CTNND2: variants seen among roughly 807,000 people sequenced by gnomAD.
CTNND2 encodes catenin delta 2, also known as catenin delta-2.
A neutral mutation model predicts 144.4 loss-of-function variants in CTNND2; 22 were observed. The observed-to-expected ratio is 0.15, with a 90% CI of 0.11 to 0.22. The LOEUF is 0.22. CTNND2 is among the 10% of genes least tolerant of loss of function. The probability of loss-of-function intolerance (pLI) is 1.00; values close to 1 mark genes in which losing one functional copy is unlikely to be tolerated. For missense variants in CTNND2, 1,353 were observed against 1,618.8 expected (o/e 0.84, Z 2.82); for synonymous variants, 751 against 695.6 (o/e 1.08, Z -1.25).
intron 3 of CTNND2, among the ~76,000 whole-genome samples, chr5:11,441,318 T>G (rs2149892976): frequency 6.6e-6 from 1 of 151,904 alleles, no homozygotes; most frequent in African/African-American, 2.4e-5. Flanking sequence ...TTATTGAGCT[T>G]ATGTTTATAA....
At chr5:11,632,584 G>C (rs1192139049) in intron 2 of CTNND2, among the ~76,000 whole-genome samples, 1 of 152,114 alleles carries the variant, frequency 6.6e-6, no homozygotes. Flanking sequence ...AATGAAACAT[G>C]AAAGTGTGAC....
chr5:11,231,537 G>A (rs902078445), intron 10 of CTNND2, among the ~76,000 whole-genome samples: 2 of 152,162 alleles, frequency 1.3e-5, no homozygotes, highest in African/African-American at 4.8e-5. Context: ...AAAGAGACTG[G>A]CAGCATTTTG....
In CTNND2 at chr5:11,678,407, G is replaced by A. The variant is rs549172584; in HGVS notation, c.174+53729C>T. Among the ~76,000 whole-genome samples the A allele has an allele frequency of 2.0e-5, 3 of 152,206 alleles. 1 individual carries two copies. The South Asian group carries it at 6.2e-4, about 32-fold the overall frequency. ...TAGAGCTCTAGACCTGCTGAGTCAA[G>A]AGTTAAAATAAAACTCCCCAACCAG... On this transcript the variant is annotated intron_variant, in intron 2 of 21. Transcript: ENST00000304623.
intron 16 of CTNND2, among the ~76,000 whole-genome samples, chr5:11,069,017 C>T (rs1452371905): frequency 6.6e-6 from 1 of 152,224 alleles, no homozygotes; most frequent in Non-Finnish European, 1.5e-5. Flanking sequence ...TGTCCGTGTC[C>T]GTGTTCCCAC....
intron 2 of CTNND2, among the ~76,000 whole-genome samples, chr5:11,710,132 C>G (rs932907136): frequency 1.3e-5 from 2 of 152,126 alleles, no homozygotes; most frequent in African/African-American, 4.8e-5. Context: ...AAGAGAAGGG[C>G]AGGCAAAGGA....
intron 1 of CTNND2, among the ~76,000 whole-genome samples, chr5:11,895,309 C>G (rs371441785): frequency 6.6e-6 from 1 of 152,178 alleles, no homozygotes; most frequent in African/African-American, 2.4e-5. Flanking sequence ...TGTATTATTT[C>G]GCAGTAGAAA....
chr5:11,610,851 G>A (rs932072349), intron 2 of CTNND2, among the ~76,000 whole-genome samples: 4 of 152,122 alleles, frequency 2.6e-5, no homozygotes, highest in Non-Finnish European at 4.4e-5. Context: ...AGTGATCAAA[G>A]GAAGCTCTTG....
intron 9 of CTNND2, among the ~76,000 whole-genome samples, chr5:11,343,805 C>A (rs534177260): frequency 6.6e-6 from 1 of 152,072 alleles, no homozygotes; most frequent in Non-Finnish European, 1.5e-5. Flanking sequence ...GTGCTATAAA[C>A]ATATGTTTAT....
intron 5 of CTNND2, among the ~76,000 whole-genome samples, chr5:11,407,484 G>T (rs766217773): frequency 2.0e-5 from 3 of 152,098 alleles, no homozygotes; most frequent in Non-Finnish European, 4.4e-5. Flanking sequence ...CTTGTCTTGA[G>T]GTCAAAAAGA....
chr5:11,644,673 CAAAA>C (rs202244691), intron 2 of CTNND2, among the ~76,000 whole-genome samples: 1 of 114,288 alleles, frequency 8.7e-6, no homozygotes. Flanking sequence ...GACTCCATCT[CAAAA>C]AAAAAAAAAA....
intron 11 of CTNND2, among the ~76,000 whole-genome samples, chr5:11,192,946 C>G (rs890154692): frequency 1.3e-5 from 2 of 152,158 alleles, no homozygotes; most frequent in Admixed American, 1.3e-4. Flanking sequence ...GATACTTTCC[C>G]TTAGGGGGTC....
intron 1 of CTNND2, among the ~76,000 whole-genome samples, chr5:11,866,898 A>G (rs1261816544): frequency 6.6e-6 from 1 of 152,194 alleles, no homozygotes; most frequent in Non-Finnish European, 1.5e-5. Flanking sequence ...ACTCCAAGAC[A>G]CTGCCTCCCT....
intron 2 of CTNND2, among the ~76,000 whole-genome samples, chr5:11,631,832 A>G (rs1781432119): frequency 6.6e-6 from 1 of 152,108 alleles, no homozygotes; most frequent in African/African-American, 2.4e-5. Flanking sequence ...GAGGAAGTTT[A>G]CCATCCAGCC....
At chr5:11,161,106 G>A (rs904837629) in intron 11 of CTNND2, among the ~76,000 whole-genome samples, 4 of 152,154 alleles carry the variant, frequency 2.6e-5, no homozygotes, top group Admixed American at 2.6e-4. Flanking sequence ...TTAACCTGAA[G>A]GCAAATCTAG....
intron 3 of CTNND2, among the ~76,000 whole-genome samples, chr5:11,441,991 ATT>A (rs1450782762): frequency 6.6e-6 from 1 of 152,212 alleles, no homozygotes; most frequent in Non-Finnish European, 1.5e-5. Flanking sequence ...CAGAAATGAC[ATT>A]CTTTGATGCG....
intron 2 of CTNND2, among the ~76,000 whole-genome samples, chr5:11,717,205 A>G (rs1786402105): frequency 1.3e-5 from 2 of 151,952 alleles, no homozygotes; most frequent in Admixed American, 1.3e-4. Flanking sequence ...TTTGTTATGA[A>G]ATAGTGATTT....
At chr5:11,834,488 A>G (rs1794069100) in intron 1 of CTNND2, among the ~76,000 whole-genome samples, 1 of 152,226 alleles carries the variant, frequency 6.6e-6, no homozygotes, top group South Asian at 2.1e-4. Context: ...ATTAACTTGA[A>G]TTAGTCATTC....
intron 11 of CTNND2, among the ~76,000 whole-genome samples, chr5:11,185,636 G>GT (rs1291944744): frequency 6.6e-6 from 1 of 152,186 alleles, no homozygotes; most frequent in Non-Finnish European, 1.5e-5. Flanking sequence ...AGTGAAAAGA[G>GT]TTTTGCATGT....
chr5:11,760,972 T>C (rs1418450372), intron 1 of CTNND2, among the ~76,000 whole-genome samples: 2 of 152,184 alleles, frequency 1.3e-5, no homozygotes, highest in Non-Finnish European at 1.5e-5. Flanking sequence ...GTTTAGTTGG[T>C]CTTTTCATTG....
Sources: gnomAD v4.1 joint callset for allele counts (sites outside exome capture counted in the v4.1 genomes callset) on GRCh38, gnomAD v4.1.1 for gene constraint, MANE v1.5 for transcripts, NCBI Gene and HGNC (gene_info 2026-07-23, HGNC 2026-07-21) for gene names.